The following CYP4X1 variants were observed in gnomAD, a reference collection of about 807,000 sequenced individuals.
The protein encoded by CYP4X1 is cytochrome P450 family 4 subfamily X member 1, also known as cytochrome P450 4X1.
In CYP4X1, 44 loss-of-function variants were observed where a neutral mutation model predicts 57.9. That is an observed-to-expected ratio of 0.76 (90% CI 0.60 to 0.98). The LOEUF is 0.98. Among genes scored for constraint, CYP4X1 ranks in the 50% least tolerant of loss-of-function variants. The pLI, the probability that CYP4X1 is intolerant of heterozygous loss-of-function variation, is 0.00. For missense variants in CYP4X1, 532 were observed against 623.9 expected (o/e 0.85, Z 1.57); for synonymous variants, 227 against 228.6 (o/e 0.99, Z 0.06).
At position 47,036,475 on chromosome 1, in the gene CYP4X1, A is replaced by G. The variant is rs1168405166; in HGVS notation, c.775+304A>G. Among the ~76,000 whole-genome samples, 4 of 150,880 alleles carry G rather than the reference A, an allele frequency of 2.7e-5. No individual in the cohort carries two copies. In the East Asian group the frequency reaches 7.8e-4, roughly 30 times the overall value. ...ACATACATGGAATATGGCTTTTTGC[A>G]CAGCGATTGCAGTAATAATAATGAC... On this transcript the variant is annotated intron_variant, in intron 6 of 11. Transcript: ENST00000371901.
Position 47,035,616 on chromosome 1 carries a change from G to A in CYP4X1, c.493-190G>A, listed in dbSNP as rs754385990. On this transcript the variant is annotated intron_variant, in intron 4 of 11. Coordinates refer to ENST00000371901, the MANE Select transcript of CYP4X1 (RefSeq NM_178033.2). ...TTTTCTCCATGCTCCTTCTCACTCC[G>A]CTGGGTGTATTTTTCCCTTCCTCGT... Among the ~76,000 whole-genome samples, 18 of 152,250 alleles carry A rather than the reference G, an allele frequency of 1.2e-4. No homozygotes were observed. In the Middle Eastern group the frequency reaches 0.01, roughly 86 times the overall value.
downstream of CYP4X1, among the ~76,000 whole-genome samples, chr1:47,052,637 T>C (rs970661312): frequency 1.3e-5 from 2 of 152,188 alleles, no homozygotes; most frequent in African/African-American, 4.8e-5. Flanking sequence ...TTTACATAAA[T>C]ATTGAAGATA....
At chr1:46,978,388 A>G in the CYP4X1 span, among the ~76,000 whole-genome samples, 44 of 152,158 alleles carry the variant, frequency 2.9e-4, no homozygotes, top group Non-Finnish European at 5.9e-4. Flanking sequence ...GAAGACCATT[A>G]CAACAATGGT....
chr1:46,970,639 T>C, the CYP4X1 span, among the ~76,000 whole-genome samples: 1 of 152,168 alleles, frequency 6.6e-6, no homozygotes, highest in Non-Finnish European at 1.5e-5. Flanking sequence ...CCTGCAACAG[T>C]GGTAAAAGAG....
At chr1:47,042,185 A>G (rs1004628512) in intron 8 of CYP4X1, among the ~76,000 whole-genome samples, 15 of 151,804 alleles carry the variant, frequency 9.9e-5, no homozygotes, top group African/African-American at 3.1e-4. Flanking sequence ...AGAGCTCTGT[A>G]GTCAATTTCA....
the CYP4X1 span, among the ~76,000 whole-genome samples, chr1:47,002,589 C>CT: frequency 6.6e-6 from 1 of 152,192 alleles, no homozygotes; most frequent in Admixed American, 6.5e-5. Flanking sequence ...TGTTTACATC[C>CT]TTTTTTGCAT....
the CYP4X1 span, among the ~76,000 whole-genome samples, chr1:46,998,130 T>C: frequency 2.2e-4 from 33 of 151,848 alleles, no homozygotes; most frequent in Admixed American, 1.6e-3. Flanking sequence ...AGATTAGTGG[T>C]TTATTAGGTT....
intron 1 of CYP4X1, among the ~76,000 whole-genome samples, chr1:47,026,142 A>G (rs1239563562): frequency 6.6e-6 from 1 of 152,208 alleles, no homozygotes; most frequent in African/African-American, 2.4e-5. Flanking sequence ...GTACAAAAAA[A>G]ATAGAAAGAA....
At chr1:47,036,946 C>G (rs1365221872) in intron 6 of CYP4X1, among the ~76,000 whole-genome samples, 2 of 152,168 alleles carry the variant, frequency 1.3e-5, no homozygotes. Flanking sequence ...CATATGCACA[C>G]TTACACATAC....
the CYP4X1 span, among the ~76,000 whole-genome samples, chr1:47,011,778 C>T: frequency 1.3e-5 from 2 of 152,176 alleles, no homozygotes; most frequent in African/African-American, 4.8e-5. Context: ...CAAAAGAAGA[C>T]ATTTATGCAG....
chr1:46,990,874 G>A, the CYP4X1 span, among the ~76,000 whole-genome samples: 12 of 152,158 alleles, frequency 7.9e-5, no homozygotes, highest in African/African-American at 1.7e-4. Flanking sequence ...CACAGGGAGG[G>A]GAACATCACA....
At chr1:47,054,594 T>C (rs201659212), downstream of CYP4X1, among the ~76,000 whole-genome samples, 180 of 152,206 alleles carry the variant, frequency 1.2e-3, 1 homozygote, top group East Asian at 0.029. Context: ...TTTTATTTCA[T>C]TGAGCAGCGG....
At chr1:47,051,885 A>G (rs1328521606), downstream of CYP4X1, among the ~76,000 whole-genome samples, 2 of 151,992 alleles carry the variant, frequency 1.3e-5, no homozygotes, top group South Asian at 2.1e-4. Context: ...CTTTCTCTAT[A>G]TATCTCCTTC....
At chr1:47,016,242 G>T in the CYP4X1 span, among the ~76,000 whole-genome samples, 1 of 151,722 alleles carries the variant, frequency 6.6e-6, no homozygotes, top group African/African-American at 2.4e-5. Context: ...AAAAAAAAAA[G>T]TTTAAACCAT....
the CYP4X1 span, among the ~76,000 whole-genome samples, chr1:46,987,697 G>A: frequency 6.6e-6 from 1 of 152,178 alleles, no homozygotes; most frequent in Non-Finnish European, 1.5e-5. Flanking sequence ...TCAGACCACA[G>A]TGCAATCAAA....
At chr1:46,997,950 T>C in the CYP4X1 span, among the ~76,000 whole-genome samples, 2 of 152,204 alleles carry the variant, frequency 1.3e-5, no homozygotes, top group African/African-American at 4.8e-5. Flanking sequence ...CTGGTGATTA[T>C]TGATGTTGAG....
the CYP4X1 span, among the ~76,000 whole-genome samples, chr1:46,962,886 T>G: frequency 0.017 from 2,540 of 152,310 alleles, 36 homozygotes; most frequent in South Asian, 0.046. Flanking sequence ...TGTGGGAGTC[T>G]AAGTCTCTTT....
chr1:46,967,303 C>A, the CYP4X1 span, among the ~76,000 whole-genome samples: 1 of 152,296 alleles, frequency 6.6e-6, no homozygotes, highest in African/African-American at 2.4e-5. Context: ...ACATTTAAGA[C>A]TATAAATTTC....
chr1:46,993,844 G>A, the CYP4X1 span, among the ~76,000 whole-genome samples: 1 of 152,120 alleles, frequency 6.6e-6, no homozygotes, highest in Non-Finnish European at 1.5e-5. Flanking sequence ...TTTGTCAGAT[G>A]AGTAGATTGC....
Sources: allele counts gnomAD v4.1 joint callset (sites outside exome capture counted in the v4.1 genomes callset), GRCh38; gene constraint gnomAD v4.1.1; transcripts MANE v1.5; gene names NCBI Gene and HGNC (gene_info 2026-07-23, HGNC 2026-07-21).